Variants in CSMD2 observed in about 807,000 individuals in gnomAD.
CSMD2 encodes CUB and Sushi multiple domains 2.
CSMD2 carries 130 observed loss-of-function variants against 398.5 expected under a neutral mutation model. The observed-to-expected ratio is 0.33, with a 90% CI of 0.28 to 0.38. The LOEUF is 0.38. CSMD2 is among the 10% of genes least tolerant of loss of function. The probability of loss-of-function intolerance (pLI) is 1.00; values close to 1 mark genes in which losing one functional copy is unlikely to be tolerated. For missense variants in CSMD2, 3,829 were observed against 4,764.9 expected (o/e 0.80, Z 5.78); for synonymous variants, 1,828 against 1,908.5 (o/e 0.96, Z 1.10).
At chr1:33,677,550 C>T (rs538993476) in intron 25 of CSMD2, among the ~76,000 whole-genome samples, 2 of 152,100 alleles carry the variant, frequency 1.3e-5, no homozygotes, top group East Asian at 1.9e-4. Context: ...GTCAGTGTGG[C>T]GATTCCTCAG....
chr1:33,596,562 G>A (rs1639850951), intron 44 of CSMD2, among the ~76,000 whole-genome samples: 1 of 152,172 alleles, frequency 6.6e-6, no homozygotes, highest in African/African-American at 2.4e-5. Flanking sequence ...GAGGCCTTAG[G>A]AAATTTACAA....
rs1474474942 is a variant in CSMD2 at position 33,540,745 on chromosome 1, A to G, written c.9458-47T>C. ...CTGAGTTCTGATGCTGTCCTGGGAA[A>G]CCAGCCCCCGTCACCATCATTGATA... On this transcript the variant is annotated intron_variant, in intron 59 of 70. Coordinates refer to ENST00000373381, the MANE Select transcript of CSMD2 (RefSeq NM_001281956.2). The G allele has an allele frequency of 2.5e-6, 4 of 1,603,936 alleles. No homozygotes were observed. In the South Asian group the frequency reaches 3.3e-5, roughly 13 times the overall value.
At position 33,785,040 on chromosome 1, in the gene CSMD2, A is replaced by G. The variant is rs139241219; in HGVS notation, c.1663+3560T>C. ...CTGACGTAGTCCCTGTGGGTTTGCCATGTCTCTAAACACCCAGACTGTCCT... is the reference window on the plus strand; with the variant it reads ...CTGACGTAGTCCCTGTGGGTTTGCCGTGTCTCTAAACACCCAGACTGTCCT... On this transcript the variant is annotated intron_variant, in intron 12 of 70. Transcript: ENST00000373381. Among the ~76,000 whole-genome samples the G allele has an allele frequency of 3.9e-5, 6 of 152,304 alleles. No individual in the cohort carries two copies. The East Asian group carries it at 1.2e-3, about 29-fold the overall frequency.
chr1:34,070,578 A>G (rs962460624), intron 2 of CSMD2, among the ~76,000 whole-genome samples: 2 of 152,264 alleles, frequency 1.3e-5, no homozygotes, highest in African/African-American at 4.8e-5. Context: ...CTGAGAAGCC[A>G]CAACAATCAA....
chr1:34,079,645 C>T (rs1443607440), intron 2 of CSMD2, among the ~76,000 whole-genome samples: 2 of 152,150 alleles, frequency 1.3e-5, no homozygotes, highest in Non-Finnish European at 2.9e-5. Context: ...TAGATACCTA[C>T]ATGCTACAAA....
At chr1:33,722,831 C>A (rs990096003) in intron 19 of CSMD2, among the ~76,000 whole-genome samples, 2 of 151,908 alleles carry the variant, frequency 1.3e-5, no homozygotes, top group African/African-American at 2.4e-5. Flanking sequence ...AAAGTACGTG[C>A]CCACCTGAGG....
intron 13 of CSMD2, among the ~76,000 whole-genome samples, chr1:33,744,872 G>A (rs1191264698): frequency 3.3e-5 from 5 of 152,152 alleles, no homozygotes; most frequent in African/African-American, 7.2e-5. Context: ...GCCAATTGCA[G>A]AGCAAAACTG....
chr1:33,720,300 T>C (rs909999077), intron 19 of CSMD2, among the ~76,000 whole-genome samples: 8 of 152,116 alleles, frequency 5.3e-5, no homozygotes, highest in African/African-American at 1.9e-4. Flanking sequence ...TCAGGGAGAC[T>C]GATGATGAAA....
chr1:34,150,944 A>C (rs574331947), intron 1 of CSMD2, among the ~76,000 whole-genome samples: 2 of 152,100 alleles, frequency 1.3e-5, no homozygotes, highest in South Asian at 4.2e-4. Context: ...ATAAAAACTA[A>C]GGGACAGCTT....
intron 25 of CSMD2, among the ~76,000 whole-genome samples, chr1:33,674,373 A>C (rs1490076446): frequency 6.6e-6 from 1 of 152,158 alleles, no homozygotes; most frequent in Non-Finnish European, 1.5e-5. Context: ...GCCATTACAT[A>C]ATGGTAAAGG....
chr1:33,676,807 A>G (rs1484334331), intron 25 of CSMD2, among the ~76,000 whole-genome samples: 1 of 152,230 alleles, frequency 6.6e-6, no homozygotes, highest in African/African-American at 2.4e-5. Context: ...ATAATGCCAC[A>G]TATTTACAAC....
At chr1:34,082,088 C>T (rs563700823) in intron 2 of CSMD2, among the ~76,000 whole-genome samples, 11 of 149,824 alleles carry the variant, frequency 7.3e-5, no homozygotes, top group East Asian at 2.0e-4. Flanking sequence ...TCTGCCTGGC[C>T]GCCCATCATC....
chr1:34,064,787 G>A (rs1033501976), intron 2 of CSMD2, among the ~76,000 whole-genome samples: 5 of 152,120 alleles, frequency 3.3e-5, no homozygotes, highest in Non-Finnish European at 7.3e-5. Flanking sequence ...AGACATACCC[G>A]AGACTGGGAA....
Position 33,652,334 on chromosome 1 carries a change from C to T in CSMD2, c.4575G>A (p.Leu1525=). The T allele has an allele frequency of 6.2e-7, 1 of 1,614,092 alleles. No homozygotes were observed. The highest frequency in any genetic ancestry group is 8.5e-7 in the Non-Finnish European group (1 of 1,180,004). ...GGAAAGGTACATACATGTTAAATAC[C>T]AGGGCGATGACGTAGTCTGGTGAGA... ...VTVSPDYVIA[L]VFNIFNLEPG... Residue 1525 remains leucine, a synonymous_variant, in exon 28 of 71, where the codon CTG becomes CTA. Transcript: ENST00000373381.
At chr1:34,023,683 T>G (rs1221543755) in intron 3 of CSMD2, among the ~76,000 whole-genome samples, 1 of 152,210 alleles carries the variant, frequency 6.6e-6, no homozygotes, top group Non-Finnish European at 1.5e-5. Flanking sequence ...AGCTTCCTTT[T>G]ACTGAGTGCC....
intron 56 of CSMD2, among the ~76,000 whole-genome samples, chr1:33,547,957 T>C (rs778751204): frequency 1.3e-4 from 20 of 152,198 alleles, no homozygotes; most frequent in Non-Finnish European, 2.9e-4. Context: ...GAGAGGTGAT[T>C]GGATCATGGG....
chr1:33,786,142 A>C (rs1349549063), intron 12 of CSMD2, among the ~76,000 whole-genome samples: 1 of 152,130 alleles, frequency 6.6e-6, no homozygotes, highest in Non-Finnish European at 1.5e-5. Context: ...TTTTCCTACT[A>C]ATTTAGTCAA....
intron 1 of CSMD2, among the ~76,000 whole-genome samples, chr1:34,094,293 A>G (rs368617617): frequency 1.8e-3 from 272 of 152,142 alleles, no homozygotes; most frequent in African/African-American, 5.3e-3. Context: ...GGTAGCAGCC[A>G]CTGCAAAATC....
At chr1:33,886,354 C>A (rs566959251) in intron 5 of CSMD2, among the ~76,000 whole-genome samples, 1 of 152,136 alleles carries the variant, frequency 6.6e-6, no homozygotes, top group African/African-American at 2.4e-5. Context: ...AGCACCTAAA[C>A]AAAGTCGGGC....
Sources: gnomAD v4.1 joint callset for allele counts (sites outside exome capture counted in the v4.1 genomes callset) on GRCh38, gnomAD v4.1.1 for gene constraint, MANE v1.5 for transcripts, NCBI Gene and HGNC (gene_info 2026-07-23, HGNC 2026-07-21) for gene names.